MDGA1: variants seen among roughly 807,000 people sequenced by gnomAD.
MDGA1 encodes MAM domain containing glycosylphosphatidylinositol anchor 1, also known as MAM domain-containing glycosylphosphatidylinositol anchor protein 1.
MDGA1 carries 54 observed loss-of-function variants against 101.5 expected under a neutral mutation model. The ratio of observed to expected loss-of-function variants is 0.53; its 90% CI spans 0.43 to 0.67. MDGA1 has a LOEUF of 0.67. Among genes scored for constraint, MDGA1 ranks in the 30% least tolerant of loss-of-function variants. The pLI is 0.00. For synonymous variants in MDGA1, 533 were observed against 558.3 expected (o/e 0.95, Z 0.64); for missense variants, 1,083 against 1,323.8 (o/e 0.82, Z 2.82).
chr6:37,656,324 C>A (rs1420079884), intron 3 of MDGA1, among the ~76,000 whole-genome samples: 1 of 151,900 alleles, frequency 6.6e-6, no homozygotes, highest in Non-Finnish European at 1.5e-5. Context: ...GATCTGCCCA[C>A]CTCGGCCTCC....
Position 37,652,006 on chromosome 6 carries a change from C to T in MDGA1, c.1312+5G>A. ...CATTTCCGCAGTGCCCCTCCAGCTG[C>T]CCACCTGTCTCAGAGGAGATGTTGA... On this transcript the variant is annotated splice_donor_5th_base_variant and intron_variant, in intron 7 of 16. Transcript: ENST00000434837. This position sits in a 1 kb window ranked among gnomAD's most constrained non-coding sequence, Gnocchi z 4.3. 1 of 1,573,782 alleles carries T rather than the reference C, an allele frequency of 6.4e-7. No homozygotes were observed. The highest frequency in any genetic ancestry group is 8.6e-7 in the Non-Finnish European group (1 of 1,161,034).
intron 1 of MDGA1, among the ~76,000 whole-genome samples, chr6:37,672,684 T>C (rs536154261): frequency 1.4e-4 from 22 of 152,330 alleles, no homozygotes; most frequent in Admixed American, 5.2e-4. Context: ...CTGAGTGTTC[T>C]GGATGGAGTG....
chr6:37,656,527 C>T (rs1310882998), intron 3 of MDGA1, among the ~76,000 whole-genome samples: 1 of 152,056 alleles, frequency 6.6e-6, no homozygotes, highest in Non-Finnish European at 1.5e-5. Flanking sequence ...CATGCACCAC[C>T]ACACCTGGCT....
chr6:37,680,826 A>G (rs1310966642), intron 1 of MDGA1, among the ~76,000 whole-genome samples: 2 of 152,246 alleles, frequency 1.3e-5, no homozygotes, highest in Admixed American at 1.3e-4. Flanking sequence ...GCAGCGGGTG[A>G]GCGCACGCCT....
intron 1 of MDGA1, among the ~76,000 whole-genome samples, chr6:37,688,020 T>C (rs1253374542): frequency 6.6e-6 from 1 of 152,170 alleles, no homozygotes; most frequent in Non-Finnish European, 1.5e-5. Context: ...GTAGAAAGCC[T>C]CCTTGCTCAC....
rs1450333872 is a variant in MDGA1 at position 37,652,100 on chromosome 6, C to G, written c.1223G>C (p.Ser408Thr). The G allele has an allele frequency of 6.2e-7, 1 of 1,613,796 alleles. No homozygotes were observed. The highest frequency in any genetic ancestry group is 8.5e-7 in the Non-Finnish European group (1 of 1,179,896). Residue 408 changes from serine (S) to threonine (T), a missense_variant, in exon 7 of 17, where the codon AGT becomes ACT. Ser to Thr is a moderately conservative substitution (Grantham distance 58, BLOSUM62 1). Transcript: ENST00000434837. The surrounding 1 kb of genome is among the most constrained non-coding windows in gnomAD (Gnocchi z 4.3). ...SSLELIDLHF[S>T]DYGTYLCMAS... ...CATGCACAGGTAGGTGCCATAGTCACTGAAGTGCAGGTCAATGAGCTCTAG... is the reference window on the plus strand; with the variant it reads ...CATGCACAGGTAGGTGCCATAGTCAGTGAAGTGCAGGTCAATGAGCTCTAG...
At chr6:37,666,383 A>G (rs952797180) in intron 1 of MDGA1, among the ~76,000 whole-genome samples, 4 of 151,978 alleles carry the variant, frequency 2.6e-5, no homozygotes, top group Admixed American at 1.3e-4. Context: ...AAGAAAAGAA[A>G]AAAAAAGAAA....
At chr6:37,689,920 G>A (rs1762273985) in intron 1 of MDGA1, among the ~76,000 whole-genome samples, 1 of 152,146 alleles carries the variant, frequency 6.6e-6, no homozygotes, top group Admixed American at 6.5e-5. Flanking sequence ...GACAGCCAGA[G>A]AGGTTCTATT....
At chr6:37,653,360 A>T (rs1352421355) in intron 6 of MDGA1, among the ~76,000 whole-genome samples, 1 of 152,242 alleles carries the variant, frequency 6.6e-6, no homozygotes, top group Admixed American at 6.5e-5. Flanking sequence ...AAAGTCACAG[A>T]GAGCTAGTTT....
chr6:37,640,510 A>T (rs1448228158), intron 14 of MDGA1, among the ~76,000 whole-genome samples: 1 of 151,956 alleles, frequency 6.6e-6, no homozygotes, highest in Non-Finnish European at 1.5e-5. Flanking sequence ...GGCTAATTTT[A>T]AAAGTTTTTT....
At chr6:37,657,657 G>A (rs1396962804) in intron 3 of MDGA1, among the ~76,000 whole-genome samples, 4 of 152,156 alleles carry the variant, frequency 2.6e-5, no homozygotes, top group Admixed American at 2.6e-4. Context: ...CCTGGGCCTG[G>A]GCCAACAGTT....
chr6:37,677,673 TTC>T (rs1367724152), intron 1 of MDGA1, among the ~76,000 whole-genome samples: 1 of 138,456 alleles, frequency 7.2e-6, no homozygotes, highest in Non-Finnish European at 1.6e-5. Flanking sequence ...GTCATTGGGC[TTC>T]TTTTTTTTCT....
intron 1 of MDGA1, among the ~76,000 whole-genome samples, chr6:37,680,143 G>A (rs1006298319): frequency 6.6e-6 from 1 of 152,186 alleles, no homozygotes; most frequent in Non-Finnish European, 1.5e-5. Context: ...CGGGGGTGGG[G>A]CGCTGACACA....
At position 37,654,294 on chromosome 6, in the gene MDGA1, G is replaced by C; in HGVS notation, c.962C>G (p.Thr321Ser). 6.4e-7 allele frequency: 1 copy of C among 1,557,848 alleles called. No homozygotes were observed. Among genetic ancestry groups the C allele is most frequent in the Non-Finnish European group, 8.7e-7 (1 of 1,151,072 alleles). The part of the protein sequence containing the change: ...TNNVGNPAKK[T>S]VNLLVRSMKN... ...CGTACATCGCACCAGCAGGTTGACAGTCTTCTTGGCAGGGTTGCCCACATT... is the reference window on the plus strand; with the variant it reads ...CGTACATCGCACCAGCAGGTTGACACTCTTCTTGGCAGGGTTGCCCACATT... The change falls in exon 6 of 17, where the codon ACT becomes AGT. Residue 321 changes from threonine to serine, a missense_variant. By Grantham distance (58) the Thr-to-Ser change is moderately conservative. Transcript: ENST00000434837.
intron 1 of MDGA1, 40 bp from the exon 2 acceptor site, chr6:37,664,146 T>G (rs1581608670): frequency 1.2e-6 from 2 of 1,612,162 alleles, no homozygotes. Flanking sequence ...AGAGAAGAGG[T>G]GCCAAGGCCA....
rs773677539 is a variant in MDGA1, at chr6:37,641,217, AG to A, written c.2537-2551del. Among the ~76,000 whole-genome samples the A allele has an allele frequency of 1.3e-4, 20 of 152,300 alleles. No homozygotes were observed. The East Asian group carries it at 2.7e-3, about 21-fold the overall frequency. On this transcript the variant is annotated intron_variant, in intron 14 of 16. Coordinates refer to ENST00000434837, the MANE Select transcript of MDGA1 (RefSeq NM_153487.4). ...TAACATTTGGTGGCTCTCTCCCACC[AG>A]GGGGTCTGTCTATCTGGTGTCACAG... is the stretch of plus-strand genomic sequence containing the variant.
intron 8 of MDGA1, chr6:37,649,772 A>G: frequency 1.9e-6 from 1 of 525,116 alleles, no homozygotes; most frequent in Non-Finnish European, 3.6e-6. Context: ...TGTTTGGCAC[A>G]TGGTGGTAAT....
chr6:37,647,334 C>G lies in MDGA1; in HGVS notation c.1895-10G>C, dbSNP rs370080061. The stretch of plus-strand genomic sequence containing the variant: ...GGGCTGTAGGCTTTGGCTAAGAGGG[C>G]GGGGAGGGGGGCATTGGGCCGTGGA... On this transcript the variant is annotated splice_polypyrimidine_tract_variant and intron_variant, in intron 9 of 16. Coordinates refer to ENST00000434837, the MANE Select transcript of MDGA1 (RefSeq NM_153487.4). 4.7e-6 allele frequency: 7 copies of G among 1,491,894 alleles called. No homozygotes were observed. Among genetic ancestry groups the G allele is most frequent in the Admixed American group, 2.1e-5 (1 of 48,320 alleles). The allele number at this position is 1,491,894 out of a possible 1,614,324, so 92.4% of individuals were successfully genotyped here.
In MDGA1 at chr6:37,697,367, G is replaced by A. The variant is rs1346304024; in HGVS notation, c.-556C>T. ...GGGCCGGGCTGAAAGCACTCGCGGC[G>A]GCGAAGCAGCCCCGGGCCCGGCCCT... On this transcript the variant is annotated 5_prime_UTR_variant, in exon 1 of 17. Transcript: ENST00000434837. 1 of 152,138 alleles carries A rather than the reference G, an allele frequency of 6.6e-6. No homozygotes were observed. The highest frequency in any genetic ancestry group is 1.5e-5 in the Non-Finnish European group (1 of 68,048). 9.4% of individuals were successfully genotyped at this position (152,138 alleles called of 1,614,324 possible). A position where few individuals can be genotyped will look rare whatever the true frequency, so the allele number is the denominator to read the frequency against.
Sources: allele counts gnomAD v4.1 joint callset (sites outside exome capture counted in the v4.1 genomes callset), GRCh38; gene constraint gnomAD v4.1.1; non-coding constraint Gnocchi (gnomAD v3.1); transcripts MANE v1.5; gene names NCBI Gene and HGNC (gene_info 2026-07-23, HGNC 2026-07-21).